CA10: variants seen among roughly 807,000 people sequenced by gnomAD.
CA10 encodes carbonic anhydrase 10 (inactive).
Under a neutral mutation model 44.2 loss-of-function variants are expected in CA10, and 14 were observed. That is an observed-to-expected ratio of 0.32 (90% CI 0.21 to 0.50). The LOEUF is 0.50. CA10 is among the 20% of genes least tolerant of loss of function. The pLI, the probability that CA10 is intolerant of heterozygous loss-of-function variation, is 0.99. For synonymous variants in CA10, 159 were observed against 141.6 expected, an observed-to-expected ratio of 1.12 and a Z score of -0.87; for missense variants, 350 against 409.7, an observed-to-expected ratio of 0.85 and a Z score of 1.26.
intron 2 of CA10, among the ~76,000 whole-genome samples, chr17:52,064,273 A>T (rs1199521523): frequency 1.3e-5 from 2 of 152,202 alleles, no homozygotes; most frequent in Non-Finnish European, 2.9e-5. Context: ...TTTCAGCCTT[A>T]TGGGACTCAG....
chr17:51,956,830 G>T (rs1252794932), intron 2 of CA10, among the ~76,000 whole-genome samples: 1 of 151,824 alleles, frequency 6.6e-6, no homozygotes, highest in Non-Finnish European at 1.5e-5. Flanking sequence ...CACACCCAAA[G>T]CAGAGGGAAA....
chr17:52,068,548 A>G (rs1020461206), intron 2 of CA10, among the ~76,000 whole-genome samples: 4 of 152,196 alleles, frequency 2.6e-5, no homozygotes, highest in African/African-American at 9.6e-5. Context: ...ACCCAGTTCT[A>G]ACTTCCTTTC....
chr17:51,845,840 T>G (rs1978470585), intron 3 of CA10, among the ~76,000 whole-genome samples: 2 of 152,166 alleles, frequency 1.3e-5, no homozygotes, highest in Non-Finnish European at 2.9e-5. Context: ...TGAATGAGTT[T>G]TATTAGTTTT....
intron 2 of CA10, among the ~76,000 whole-genome samples, chr17:51,967,666 C>A (rs1210019195): frequency 6.6e-6 from 1 of 151,448 alleles, no homozygotes; most frequent in Non-Finnish European, 1.5e-5. Context: ...AAGATGGGAA[C>A]AATAGAAATG....
intron 1 of CA10, among the ~76,000 whole-genome samples, chr17:52,091,018 T>C (rs1171901645): frequency 6.6e-6 from 1 of 152,146 alleles, no homozygotes; most frequent in Non-Finnish European, 1.5e-5. Flanking sequence ...AAATATATTA[T>C]GGAACACTCA....
chr17:51,665,602 T>C (rs189522604), intron 4 of CA10, among the ~76,000 whole-genome samples: 28 of 152,340 alleles, frequency 1.8e-4, no homozygotes, highest in Admixed American at 3.9e-4. Flanking sequence ...GTGAACATCA[T>C]AGAGTGTACT....
chr17:51,926,680 C>T (rs1242330418), intron 3 of CA10, among the ~76,000 whole-genome samples: 8 of 152,178 alleles, frequency 5.3e-5, no homozygotes, highest in South Asian at 4.1e-4. Context: ...TCCATCCTCA[C>T]GTCTCTGTTC....
At chr17:52,131,106 T>A (rs1813385710) in intron 1 of CA10, among the ~76,000 whole-genome samples, 2 of 145,056 alleles carry the variant, frequency 1.4e-5, no homozygotes, top group Admixed American at 1.4e-4. Flanking sequence ...ATTTTTATTT[T>A]ATTTTTTTTT....
At chr17:51,721,635 A>G (rs994840791) in intron 4 of CA10, among the ~76,000 whole-genome samples, 1 of 152,010 alleles carries the variant, frequency 6.6e-6, no homozygotes, top group African/African-American at 2.4e-5. Flanking sequence ...GCACCTGGCC[A>G]GTTGAAAATA....
intron 3 of CA10, among the ~76,000 whole-genome samples, chr17:51,822,603 T>G (rs555370991): frequency 6.6e-6 from 1 of 152,332 alleles, no homozygotes; most frequent in South Asian, 2.1e-4. Flanking sequence ...GAATGGAATC[T>G]GGTTTGGTTC....
intron 3 of CA10, among the ~76,000 whole-genome samples, chr17:51,902,116 G>A (rs962461374): frequency 6.6e-6 from 1 of 152,076 alleles, no homozygotes; most frequent in East Asian, 1.9e-4. Flanking sequence ...ACAAGAAAAT[G>A]TATTTAAAAT....
chr17:51,829,317 T>A (rs1908142779), intron 3 of CA10, among the ~76,000 whole-genome samples: 1 of 152,216 alleles, frequency 6.6e-6, no homozygotes, highest in Non-Finnish European at 1.5e-5. Flanking sequence ...CTTTACCAAG[T>A]CCGTAGCTTT....
chr17:51,812,837 A>T (rs910073799), intron 3 of CA10, among the ~76,000 whole-genome samples: 1 of 152,042 alleles, frequency 6.6e-6, no homozygotes, highest in African/African-American at 2.4e-5. Context: ...TCAGGGGAGG[A>T]TTGCTGACAG....
At chr17:51,833,752 A>G (rs1908370789) in intron 3 of CA10, among the ~76,000 whole-genome samples, 1 of 152,210 alleles carries the variant, frequency 6.6e-6, no homozygotes. Context: ...TTAGAAAGCA[A>G]CCATCTTCCA....
At chr17:51,919,493 T>G (rs1982139142) in intron 3 of CA10, among the ~76,000 whole-genome samples, 2 of 152,118 alleles carry the variant, frequency 1.3e-5, no homozygotes, top group African/African-American at 4.8e-5. Flanking sequence ...GGAGCTAGTC[T>G]GTAAAACTTA....
intron 1 of CA10, among the ~76,000 whole-genome samples, chr17:52,110,973 C>T (rs1988777739): frequency 6.6e-6 from 1 of 152,208 alleles, no homozygotes; most frequent in Admixed American, 6.5e-5. Flanking sequence ...TTGTATCATT[C>T]TATGTCCAAA....
intron 3 of CA10, among the ~76,000 whole-genome samples, chr17:51,874,466 T>C (rs990984157): frequency 3.3e-5 from 5 of 152,008 alleles, no homozygotes; most frequent in Non-Finnish European, 7.4e-5. Context: ...TTTTCAAATT[T>C]GTTTCCCAGG....
chr17:51,641,935 G>A (rs1016846458), intron 6 of CA10, among the ~76,000 whole-genome samples: 14 of 152,108 alleles, frequency 9.2e-5, no homozygotes, highest in African/African-American at 2.7e-4. Flanking sequence ...AACAAGGCAC[G>A]GTAGTTTCAG....
intron 2 of CA10, among the ~76,000 whole-genome samples, chr17:52,046,392 C>T (rs75121665): frequency 2.0e-5 from 3 of 151,154 alleles, no homozygotes; most frequent in Non-Finnish European, 4.4e-5. Context: ...GAATTTATCA[C>T]TAAGATTCTA....
Sources: allele counts gnomAD v4.1 joint callset (sites outside exome capture counted in the v4.1 genomes callset), GRCh38; gene constraint gnomAD v4.1.1; transcripts MANE v1.5; gene names NCBI Gene and HGNC (gene_info 2026-07-23, HGNC 2026-07-21).